The following MAP3K11 variants were observed in gnomAD, a reference collection of about 807,000 sequenced individuals.
MAP3K11 encodes the protein SH3 domain-containing proline-rich kinase.
Under a neutral mutation model 84.9 loss-of-function variants are expected in MAP3K11, and 46 were observed. The ratio of observed to expected loss-of-function variants is 0.54; its 90% CI spans 0.43 to 0.69. The LOEUF (loss-of-function observed/expected upper bound fraction) is 0.69. MAP3K11 is among the 30% of genes least tolerant of loss of function. The pLI is 0.00. For missense variants in MAP3K11, 1,053 were observed against 1,198.3 expected, an observed-to-expected ratio of 0.88 and a Z score of 1.79; for synonymous variants, 527 against 514.7, an observed-to-expected ratio of 1.02 and a Z score of -0.32.
chr11:65,598,189 G>T lies in MAP3K11; in HGVS notation c.*102C>A. The T allele has an allele frequency of 1.9e-6, 2 of 1,039,146 alleles. No individual in the cohort carries two copies. Among genetic ancestry groups the T allele is most frequent in the Non-Finnish European group, 2.6e-6 (2 of 776,480 alleles). 64.4% of individuals were successfully genotyped at this position (1,039,146 alleles called of 1,614,324 possible). ...ACCCCCAAAGGGGGGTGGGGTCCCT[G>T]GGGAAACTGAGGCAGCTGCAGAGGC... On this transcript the variant is annotated 3_prime_UTR_variant, in exon 10 of 10. Transcript: ENST00000309100.
At chr11:65,598,655 G>A (rs902775147) in intron 9 of MAP3K11, 27 bp from the exon 10 acceptor site, 1 of 1,444,552 alleles carries the variant, frequency 6.9e-7, no homozygotes, top group Non-Finnish European at 9.2e-7. Flanking sequence ...GGGGCACAGG[G>A]TCAAGCAACC....
chr11:65,612,863 G>T, intron 1 of MAP3K11, 155 bp downstream of exon 1: 1 of 775,132 alleles, frequency 1.3e-6, no homozygotes, highest in Non-Finnish European at 1.8e-6. Flanking sequence ...CTCTGTTTGG[G>T]GGCTAGCTTG....
At position 65,613,212 on chromosome 11, in the gene MAP3K11, A is replaced by ATTG; in HGVS notation, c.544_545insCAA (p.Val182delinsAlaMet). On this transcript the variant is annotated protein_altering_variant, in exon 1 of 10. Coordinates refer to ENST00000309100, the MANE Select transcript of MAP3K11 (RefSeq NM_002419.4). ...GCACAGGTTGGGCTCCTCCAGGCAC[A>ATTG]CAGCCTTGAGGGCAATGATGTTGGG... 6.3e-7 allele frequency: 1 copy of ATTG among 1,591,534 alleles called. No individual in the cohort carries two copies. Among genetic ancestry groups the ATTG allele is most frequent in the Non-Finnish European group, 8.6e-7 (1 of 1,166,404 alleles).
rs1019182781 is a variant in MAP3K11 at position 65,597,990 on chromosome 11, C to T, written c.*301G>A. 1 of 323,210 alleles carries T rather than the reference C, an allele frequency of 3.1e-6. No homozygotes were observed. Among genetic ancestry groups the T allele is most frequent in the East Asian group, 4.7e-5 (1 of 21,258 alleles). The allele number at this position is 323,210 out of a possible 1,614,324, so 20.0% of individuals were successfully genotyped here. A position where few individuals can be genotyped will look rare whatever the true frequency, so the allele number is the denominator to read the frequency against. ...CCTCTTCCCTGCACCTCCCCTCCTC[C>T]CTGCATCACCCCAGCAGGCAATTCC... is the stretch of plus-strand genomic sequence containing the variant. On this transcript the variant is annotated 3_prime_UTR_variant, in exon 10 of 10. Coordinates refer to ENST00000309100, the MANE Select transcript of MAP3K11 (RefSeq NM_002419.4).
At chr11:65,600,887 A>G (rs1230312333) in intron 8 of MAP3K11, among the ~76,000 whole-genome samples, 1 of 152,184 alleles carries the variant, frequency 6.6e-6, no homozygotes, top group Non-Finnish European at 1.5e-5. Context: ...AGCTTCTACT[A>G]TGAACCAGGA....
At chr11:65,599,019 C>T (rs143383615) in intron 9 of MAP3K11, among the ~76,000 whole-genome samples, 110 of 152,272 alleles carry the variant, frequency 7.2e-4, no homozygotes, top group Non-Finnish European at 1.2e-3. Flanking sequence ...GAGTTTGCTA[C>T]GATTATGATT....
intron 1 of MAP3K11, chr11:65,608,863 G>A (rs1220424366): frequency 1.8e-5 from 3 of 168,748 alleles, no homozygotes; most frequent in Non-Finnish European, 3.9e-5. Flanking sequence ...TGATCTGCCC[G>A]CCTCGGCCTC....
chr11:65,598,511 C>T lies in MAP3K11; in HGVS notation c.2324G>A (p.Arg775His), dbSNP rs752639569. The change falls in exon 10 of 10, where the codon CGC becomes CAC. Residue 775 changes from arginine (R) to histidine (H), a missense_variant. Around this residue, in one of 3 missense-constraint regions of MAP3K11, gnomAD observed 583 missense variants for 566.6 expected, o/e 1.03. Transcript: ENST00000309100. ...TGACACAAAGCTCCAGGGATCAATG[C>T]GGCTGCGAAGGGGCGAGGGCCGAGG... ...SRPRPSPLRS[R>H]IDPWSFVSAG... 15 of 1,613,208 alleles carry T rather than the reference C, an allele frequency of 9.3e-6. No homozygotes were observed. The highest frequency in any genetic ancestry group is 4.0e-5 in the African/African-American group (3 of 74,898).
rs755401328 is a variant in MAP3K11, at chr11:65,613,149, C to T, written c.608G>A (p.Arg203Gln). Residue 203 changes from arginine (R) to glutamine (Q), a missense_variant, in exon 1 of 10, where the codon CGA (arginine) becomes CAA (glutamine). This residue lies in a region of MAP3K11 where 310 missense variants were observed against 464.5 expected (regional missense o/e 0.67). Coordinates refer to ENST00000309100, the MANE Select transcript of MAP3K11 (RefSeq NM_002419.4). ...AGGCACGCGCCGCCCGGCCAGAGCTCGGCTGAGGGGCCCACCGGCTGCATA... is the reference window on the plus strand; with the variant it reads ...AGGCACGCGCCGCCCGGCCAGAGCTTGGCTGAGGGGCCCACCGGCTGCATA... ...MEYAAGGPLSRALAGRRVPPH... is the reference protein window; with the variant it reads ...MEYAAGGPLSQALAGRRVPPH... The T allele has an allele frequency of 1.9e-6, 3 of 1,592,004 alleles. No homozygotes were observed. Among genetic ancestry groups the T allele is most frequent in the Non-Finnish European group, 2.6e-6 (3 of 1,168,794 alleles).
At chr11:65,607,233 G>T in intron 5 of MAP3K11, 37 bp downstream of exon 5, 1 of 1,451,604 alleles carries the variant, frequency 6.9e-7, no homozygotes, top group African/African-American at 1.5e-5. Context: ...CACCCCCGCA[G>T]CCAATGGCGG....
At chr11:65,609,378 G>A (rs988846593) in intron 1 of MAP3K11, 5 of 152,306 alleles carry the variant, frequency 3.3e-5, no homozygotes, top group East Asian at 1.9e-4. Flanking sequence ...GAAAGGGTGG[G>A]GTCCAAGAAA....
chr11:65,604,694 A>G (rs1854488307), intron 8 of MAP3K11, among the ~76,000 whole-genome samples: 2 of 147,698 alleles, frequency 1.4e-5, no homozygotes, highest in African/African-American at 4.9e-5. Flanking sequence ...ACAACTATCA[A>G]GTGTAGCTCA....
intron 5 of MAP3K11, 127 bp from the exon 6 acceptor site, chr11:65,606,931 G>C: frequency 1.6e-6 from 1 of 636,128 alleles, no homozygotes; most frequent in Non-Finnish European, 2.7e-6. Context: ...GTGAGACTGT[G>C]ACCAGCCTCA....
chr11:65,598,443 G>A lies in MAP3K11; in HGVS notation c.2392C>T (p.Pro798Ser), dbSNP rs746307972. The change falls in exon 10 of 10, where the codon CCC becomes TCC. Residue 798 changes from proline (P) to serine (S), a missense_variant. Coordinates refer to ENST00000309100, the MANE Select transcript of MAP3K11 (RefSeq NM_002419.4). Reference protein sequence around the residue: ...PSPLPSPQPAPRRAPWTLFPD... With the variant: ...PSPLPSPQPASRRAPWTLFPD... ...AACAAGGTCCAGGGTGCTCGGCGGG[G>A]TGCAGGCTGTGGTGATGGCAGGGGA... 1 of 1,610,516 alleles carries A rather than the reference G, an allele frequency of 6.2e-7. No individual in the cohort carries two copies. The highest frequency in any genetic ancestry group is 8.5e-7 in the Non-Finnish European group (1 of 1,177,938).
At chr11:65,605,568 T>C (rs2135368147) in intron 8 of MAP3K11, 193 bp downstream of exon 8, 1 of 530,072 alleles carries the variant, frequency 1.9e-6, no homozygotes, top group East Asian at 3.4e-5. Flanking sequence ...TGTATGCCGC[T>C]TGATCGTGGG....
At chr11:65,606,246 G>C (rs1270667569) in intron 6 of MAP3K11, 165 bp from the exon 7 acceptor site, 3 of 686,852 alleles carry the variant, frequency 4.4e-6, no homozygotes, top group Non-Finnish European at 4.5e-6. Flanking sequence ...GGGGCCAACA[G>C]TGGGGTGGGG....
At chr11:65,605,088 G>T (rs1854493046) in intron 8 of MAP3K11, among the ~76,000 whole-genome samples, 1 of 152,128 alleles carries the variant, frequency 6.6e-6, no homozygotes, top group Non-Finnish European at 1.5e-5. Flanking sequence ...TCAGCTGGGG[G>T]TTTGAGGTAG....
In MAP3K11 at chr11:65,598,338, T is replaced by C. The variant is rs1224018565; in HGVS notation, c.2497A>G (p.Lys833Glu). Residue 833 changes from lysine to glutamate, a missense_variant, in exon 10 of 10, where the codon AAA becomes GAA. Physicochemically the swap from Lys to Glu is moderately conservative, Grantham distance 56. Coordinates refer to ENST00000309100, the MANE Select transcript of MAP3K11 (RefSeq NM_002419.4). Reference sequence around the variant, plus strand: ...CACGGGGCCTGGGCACCCATGTCTTTGGTCTGTGCCCTGCAGTCCTGGGGG... The same window carrying C: ...CACGGGGCCTGGGCACCCATGTCTTCGGTCTGTGCCCTGCAGTCCTGGGGG... ...GGPQDCRAQT[K>E]DMGAQAPWVP... 6.7e-7 allele frequency: 1 copy of C among 1,498,772 alleles called. No homozygotes were observed. Among genetic ancestry groups the C allele is most frequent in the South Asian group, 1.4e-5 (1 of 73,138 alleles). The allele number at this position is 1,498,772 out of a possible 1,614,324, so 92.8% of individuals were successfully genotyped here. A position where few individuals can be genotyped will look rare whatever the true frequency, so the allele number is the denominator to read the frequency against.
chr11:65,605,479 T>A, intron 8 of MAP3K11: 1 of 305,588 alleles, frequency 3.3e-6, no homozygotes, highest in Non-Finnish European at 6.0e-6. Context: ...GGGGCTGCCA[T>A]GGGGCCAGGG....
Sources: allele counts gnomAD v4.1 joint callset (sites outside exome capture counted in the v4.1 genomes callset), GRCh38; gene constraint gnomAD v4.1.1; regional missense constraint gnomAD v4.1.1; transcripts MANE v1.5; gene names NCBI Gene and HGNC (gene_info 2026-07-23, HGNC 2026-07-21).